The following SLC9C2 variants were observed in gnomAD, a reference collection of about 807,000 sequenced individuals.
SLC9C2 encodes sodium/hydrogen exchanger 11.
A neutral mutation model predicts 140.2 loss-of-function variants in SLC9C2; 75 were observed. The observed-to-expected ratio is 0.53, with a 90% CI of 0.44 to 0.65. The LOEUF is 0.65. SLC9C2 is among the 30% of genes least tolerant of loss of function. The pLI, the probability that SLC9C2 is intolerant of heterozygous loss-of-function variation, is 0.00. For synonymous variants in SLC9C2, 375 were observed against 420.9 expected (o/e 0.89, Z 1.34); for missense variants, 1,074 against 1,331.8 (o/e 0.81, Z 3.01).
chr1:173,596,764 G>A (rs1030582653), intron 4 of SLC9C2: 3 of 151,858 alleles, frequency 2.0e-5, no homozygotes, highest in Non-Finnish European at 4.4e-5. Flanking sequence ...ATTATAGCAG[G>A]CAAATACCAA....
intron 4 of SLC9C2, among the ~76,000 whole-genome samples, chr1:173,590,255 A>G (rs1666081216): frequency 6.6e-6 from 1 of 151,952 alleles, no homozygotes; most frequent in African/African-American, 2.4e-5. Context: ...AAAAAAAAAA[A>G]AAAGAAATAA....
intron 18 of SLC9C2, among the ~76,000 whole-genome samples, chr1:173,528,006 C>A (rs1387445362): frequency 6.6e-6 from 1 of 152,140 alleles, no homozygotes; most frequent in East Asian, 1.9e-4. Context: ...CCCAGCCCTG[C>A]TTGCATAGGT....
At chr1:173,563,681 C>T (rs1300367684) in intron 9 of SLC9C2, among the ~76,000 whole-genome samples, 1 of 152,130 alleles carries the variant, frequency 6.6e-6, no homozygotes, top group Non-Finnish European at 1.5e-5. Flanking sequence ...TCTATGCCCT[C>T]AAGCATTTAT....
chr1:173,508,110 G>A (rs1198105310), intron 24 of SLC9C2, among the ~76,000 whole-genome samples: 2 of 151,390 alleles, frequency 1.3e-5, no homozygotes, highest in Non-Finnish European at 2.9e-5. Context: ...GCACAACTGG[G>A]AACCAAAAAC....
intron 4 of SLC9C2, among the ~76,000 whole-genome samples, chr1:173,595,996 C>T (rs768606631): frequency 6.6e-6 from 1 of 152,120 alleles, no homozygotes; most frequent in Non-Finnish European, 1.5e-5. Flanking sequence ...TACAGTTTTG[C>T]CATTTTTAGA....
chr1:173,516,775 T>C (rs1279530777), intron 23 of SLC9C2, among the ~76,000 whole-genome samples: 1 of 152,258 alleles, frequency 6.6e-6, no homozygotes, highest in Non-Finnish European at 1.5e-5. Flanking sequence ...GCAGTGAACA[T>C]ACATGTGCAT....
intron 19 of SLC9C2, among the ~76,000 whole-genome samples, chr1:173,525,867 A>G (rs1029499995): frequency 1.3e-5 from 2 of 152,236 alleles, no homozygotes; most frequent in Non-Finnish European, 2.9e-5. Context: ...ATAAATGGCA[A>G]CAATGGGTCA....
At chr1:173,522,270 G>A (rs1004110581) in intron 21 of SLC9C2, among the ~76,000 whole-genome samples, 1 of 151,990 alleles carries the variant, frequency 6.6e-6, no homozygotes, top group African/African-American at 2.4e-5. Flanking sequence ...TTGGTTGTTC[G>A]GTGAGGACTT....
intron 13 of SLC9C2, among the ~76,000 whole-genome samples, chr1:173,543,542 G>C (rs946658584): frequency 6.6e-6 from 1 of 152,128 alleles, no homozygotes; most frequent in Admixed American, 6.5e-5. Flanking sequence ...AGTCTGCCTT[G>C]CCAAGACAAT....
chr1:173,593,613 T>C lies in SLC9C2; in HGVS notation c.357+4291A>G, dbSNP rs925781940. ...GATTAAAAAGCAAGACCCAATGGTA[T>C]GATGTCTTCAAGAAACCTATCTCAC... is the stretch of plus-strand genomic sequence containing the variant. On this transcript the variant is annotated intron_variant, in intron 4 of 27. Coordinates refer to ENST00000367714, the MANE Select transcript of SLC9C2 (RefSeq NM_178527.4). 5.3e-5 allele frequency among the ~76,000 whole-genome samples: 8 copies of C among 152,170 alleles called. 1 individual carries two copies. Among genetic ancestry groups the C allele is most frequent in the African/African-American group, 1.4e-4 (6 of 41,434 alleles).
intron 11 of SLC9C2, among the ~76,000 whole-genome samples, chr1:173,549,943 C>A (rs1663138279): frequency 6.6e-6 from 1 of 152,170 alleles, no homozygotes; most frequent in Non-Finnish European, 1.5e-5. Flanking sequence ...GAGAAACCCA[C>A]ATATTTTATC....
chr1:173,547,232 GAA>G (rs1163128933), intron 13 of SLC9C2, among the ~76,000 whole-genome samples: 8 of 151,726 alleles, frequency 5.3e-5, no homozygotes, highest in African/African-American at 1.9e-4. Flanking sequence ...TATTTATATA[GAA>G]CATTTAAATA....
intron 8 of SLC9C2, among the ~76,000 whole-genome samples, chr1:173,574,800 G>A (rs11582670): frequency 0.23 from 35,092 of 151,820 alleles, 5,216 homozygotes; most frequent in East Asian, 0.64. Flanking sequence ...ATGAGCCACC[G>A]CACCCGGCCT....
chr1:173,531,424 T>A (rs1028494817), intron 17 of SLC9C2, among the ~76,000 whole-genome samples: 2 of 152,234 alleles, frequency 1.3e-5, no homozygotes, highest in African/African-American at 4.8e-5. Flanking sequence ...CCTTTCTTTA[T>A]GGCCCAGGAC....
intron 13 of SLC9C2, among the ~76,000 whole-genome samples, chr1:173,546,045 G>C (rs1186741457): frequency 2.0e-5 from 3 of 152,086 alleles, no homozygotes; most frequent in Non-Finnish European, 4.4e-5. Context: ...CATATTTTAT[G>C]CTCAAAACAA....
chr1:173,599,392 T>TTTTTTTTTGG (rs1666641741), intron 3 of SLC9C2, among the ~76,000 whole-genome samples: 1 of 139,320 alleles, frequency 7.2e-6, no homozygotes, highest in Non-Finnish European at 1.5e-5. Flanking sequence ...TTTTTTTTTT[T>TTTTTTTTTGG]GAGACGGAGT....
At chr1:173,588,829 T>C (rs1254770575) in intron 4 of SLC9C2, among the ~76,000 whole-genome samples, 2 of 152,080 alleles carry the variant, frequency 1.3e-5, no homozygotes, top group Non-Finnish European at 2.9e-5. Flanking sequence ...ATCCCAGCAC[T>C]TTAGGAGGCA....
intron 10 of SLC9C2, among the ~76,000 whole-genome samples, chr1:173,555,528 T>C (rs2102092877): frequency 6.6e-6 from 1 of 152,298 alleles, no homozygotes; most frequent in African/African-American, 2.4e-5. Context: ...TGTGATTCTG[T>C]AGGTCTAGGG....
At chr1:173,586,922 G>A (rs1391454200) in intron 5 of SLC9C2, among the ~76,000 whole-genome samples, 1 of 152,030 alleles carries the variant, frequency 6.6e-6, no homozygotes, top group African/African-American at 2.4e-5. Context: ...CAGGTCAATA[G>A]GTGCAGCAAA....
Sources: allele counts gnomAD v4.1 joint callset (sites outside exome capture counted in the v4.1 genomes callset), GRCh38; gene constraint gnomAD v4.1.1; transcripts MANE v1.5; gene names NCBI Gene and HGNC (gene_info 2026-07-23, HGNC 2026-07-21).